Variants in CPLANE1 observed in about 807,000 individuals in gnomAD.
The protein encoded by CPLANE1 is ciliogenesis and planar polarity effector 1.
Under a neutral mutation model 362.5 loss-of-function variants are expected in CPLANE1, and 263 were observed. The observed-to-expected ratio is 0.73, with a 90% CI of 0.66 to 0.80. The LOEUF is 0.80. Among genes scored for constraint, CPLANE1 ranks in the 30% least tolerant of loss-of-function variants. The pLI, the probability that CPLANE1 is intolerant of heterozygous loss-of-function variation, is 0.00. For missense variants in CPLANE1, 3,461 were observed against 3,793.4 expected (o/e 0.91, Z 2.30); for synonymous variants, 1,212 against 1,302.6 (o/e 0.93, Z 1.50).
chr5:37,209,695 T>C lies in CPLANE1; in HGVS notation c.2921-3270A>G. The C allele has an allele frequency of 8.0e-7, 1 of 1,255,966 alleles. No individual in the cohort carries two copies. Among genetic ancestry groups the C allele is most frequent in the Non-Finnish European group, 1.2e-6 (1 of 856,184 alleles). 77.8% of individuals were successfully genotyped at this position (1,255,966 alleles called of 1,614,324 possible). On this transcript the variant is annotated intron_variant, in intron 16 of 52. Coordinates refer to ENST00000651892, the MANE Select transcript of CPLANE1 (RefSeq NM_001384732.1). This position sits in a 1 kb window ranked among gnomAD's most constrained non-coding sequence, Gnocchi z 4.6. ...GAAAAGGTATTTACTATGCAGGATC[T>C]ATTACAACTCATTAAAATCAACCCT...
At chr5:37,133,200 AAC>A (rs1427453745) in intron 46 of CPLANE1, among the ~76,000 whole-genome samples, 3 of 152,222 alleles carry the variant, frequency 2.0e-5, no homozygotes, top group Non-Finnish European at 4.4e-5. Context: ...GAAGGCAGGT[AAC>A]ATGATGACTC....
At position 37,151,886 on chromosome 5, in the gene CPLANE1, CA is replaced by C. The variant is rs1017291905; in HGVS notation, c.8373+1853del. Among the ~76,000 whole-genome samples, 615 of 140,352 alleles carry C rather than the reference CA, an allele frequency of 4.4e-3. 3 individuals are homozygous for C. The highest frequency in any genetic ancestry group is 0.014 in the African/African-American group (522 of 38,544). 92.1% of individuals were successfully genotyped at this position (140,352 alleles called of 152,430 possible). A position where few individuals can be genotyped will look rare whatever the true frequency, so the allele number is the denominator to read the frequency against. The stretch of plus-strand genomic sequence containing the variant: ...CAACATGGTGAAACCCCAAATCTAC[CA>C]AAAAAAAAAAGAGGAAAACCACCAA... On this transcript the variant is annotated intron_variant, in intron 42 of 52. Transcript: ENST00000651892.
chr5:37,138,254 A>C (rs1045472039), intron 46 of CPLANE1, among the ~76,000 whole-genome samples: 4 of 152,132 alleles, frequency 2.6e-5, no homozygotes, highest in Non-Finnish European at 5.9e-5. Context: ...AGGATAGTTA[A>C]GTCTTCTTGT....
chr5:37,176,256 G>A (rs1167275520), intron 30 of CPLANE1, among the ~76,000 whole-genome samples: 1 of 151,996 alleles, frequency 6.6e-6, no homozygotes, highest in Non-Finnish European at 1.5e-5. Context: ...CAAAATGAGG[G>A]GACATGAGGT....
At chr5:37,186,460 A>T in intron 23 of CPLANE1, 66 bp from the exon 24 acceptor site, 2 of 769,106 alleles carry the variant, frequency 2.6e-6, no homozygotes, top group Non-Finnish European at 4.6e-6. Context: ...CCATTCCACA[A>T]ATATTTTATT....
chr5:37,233,988 A>C (rs1798327678), intron 8 of CPLANE1, among the ~76,000 whole-genome samples: 1 of 152,228 alleles, frequency 6.6e-6, no homozygotes, highest in Non-Finnish European at 1.5e-5. Context: ...GTACTACTGA[A>C]GAAGTCATAC....
At chr5:37,077,611 T>C in the CPLANE1 span, among the ~76,000 whole-genome samples, 1 of 135,096 alleles carries the variant, frequency 7.4e-6, no homozygotes, top group Non-Finnish European at 1.6e-5. Context: ...TGTGTCTTTT[T>C]TTTTTTTTTT....
chr5:37,078,050 T>C, the CPLANE1 span, among the ~76,000 whole-genome samples: 1 of 152,168 alleles, frequency 6.6e-6, no homozygotes, highest in Non-Finnish European at 1.5e-5. Flanking sequence ...AAAAAACAAT[T>C]TTTTATCTTC....
At chr5:37,124,806 G>T in intron 47 of CPLANE1, 2 of 782,316 alleles carry the variant, frequency 2.6e-6, no homozygotes, top group Non-Finnish European at 1.6e-6. Context: ...CTCTCACTTT[G>T]GTCTCCCAAA....
At position 37,107,294 on chromosome 5, in the gene CPLANE1, T is replaced by G; in HGVS notation, c.*308A>C. ...ATAAAGGAGGAGGCAAGATAGAGGG[T>G]TTTTATTGAAAGTAGGTTATGCAAA... On this transcript the variant is annotated 3_prime_UTR_variant, in exon 53 of 53. Transcript: ENST00000651892. The G allele has an allele frequency of 9.2e-7, 1 of 1,082,570 alleles. No homozygotes were observed. The allele number at this position is 1,082,570 out of a possible 1,614,324, so 67.1% of individuals were successfully genotyped here. A position where few individuals can be genotyped will look rare whatever the true frequency, so the allele number is the denominator to read the frequency against.
intron 15 of CPLANE1, among the ~76,000 whole-genome samples, chr5:37,215,986 C>T (rs1389121932): frequency 6.6e-6 from 1 of 151,912 alleles, no homozygotes; most frequent in East Asian, 1.9e-4. Flanking sequence ...CACACGCCAC[C>T]TTGACCGGCT....
intron 43 of CPLANE1, among the ~76,000 whole-genome samples, chr5:37,146,649 G>C (rs993601871): frequency 6.6e-6 from 1 of 152,084 alleles, no homozygotes; most frequent in Non-Finnish European, 1.5e-5. Flanking sequence ...ATAATGTGCT[G>C]TCTGGGTTTC....
At chr5:37,225,940 A>T (rs1796386292) in intron 12 of CPLANE1, among the ~76,000 whole-genome samples, 1 of 152,182 alleles carries the variant, frequency 6.6e-6, no homozygotes, top group East Asian at 1.9e-4. Flanking sequence ...TTCCGAGACT[A>T]AGAAAATATG....
At chr5:37,131,277 C>A (rs968202148) in intron 46 of CPLANE1, among the ~76,000 whole-genome samples, 1 of 152,122 alleles carries the variant, frequency 6.6e-6, no homozygotes, top group Admixed American at 6.6e-5. Context: ...TTCTACCACA[C>A]CCTACTGCGT....
chr5:37,211,302 A>G, intron 16 of CPLANE1: 1 of 1,515,588 alleles, frequency 6.6e-7, no homozygotes. Flanking sequence ...ACGCTTGGAA[A>G]AGGCTTTCAG....
chr5:37,179,914 C>T, intron 28 of CPLANE1, 103 bp downstream of exon 28: 1 of 661,670 alleles, frequency 1.5e-6, no homozygotes, highest in Non-Finnish European at 2.5e-6. Context: ...CTACTGTAAA[C>T]ATACTAACTT....
Position 37,170,194 on chromosome 5 carries a change from A to C in CPLANE1, c.6309T>G (p.Cys2103Trp), listed in dbSNP as rs749862200. The change falls in exon 33 of 53, where the codon TGT (cysteine) becomes TGG (tryptophan). Residue 2103 changes from cysteine (C) to tryptophan (W), a missense_variant. Coordinates refer to ENST00000651892, the MANE Select transcript of CPLANE1 (RefSeq NM_001384732.1). Reference sequence around the variant, plus strand: ...TTTTGTTGCTGTCTTCAACATCACCACATCCTCTTAGGTTTGATTCTTGGC... The same window carrying C: ...TTTTGTTGCTGTCTTCAACATCACCCCATCCTCTTAGGTTTGATTCTTGGC... ...GESQESNLRG[C>W]GDVEDSNKNL... is the part of the protein sequence containing the mutation. 2.2e-5 allele frequency: 35 copies of C among 1,613,996 alleles called. 1 individual carries two copies. The Middle Eastern group carries it at 1.6e-3, about 76-fold the overall frequency.
In CPLANE1 at chr5:37,221,495, C is replaced by A; in HGVS notation, c.2582-7G>T. 1.3e-6 allele frequency: 2 copies of A among 1,485,624 alleles called. No homozygotes were observed. Among genetic ancestry groups the A allele is most frequent in the Non-Finnish European group, 1.8e-6 (2 of 1,122,280 alleles). The allele number at this position is 1,485,624 out of a possible 1,614,324, so 92.0% of individuals were successfully genotyped here. The stretch of plus-strand genomic sequence containing the variant: ...AAATACGTCCTTCTTCCTCCTGAAA[C>A]AAGAAGTAAGCTCACCTTAAAAGTA... On this transcript the variant is annotated splice_region_variant and splice_polypyrimidine_tract_variant and intron_variant, in intron 14 of 52. Transcript: ENST00000651892.
chr5:37,197,474 T>C (rs777798273), intron 20 of CPLANE1, among the ~76,000 whole-genome samples: 5 of 152,146 alleles, frequency 3.3e-5, no homozygotes, highest in Non-Finnish European at 5.9e-5. Flanking sequence ...ACCAACAATC[T>C]GAATGCACCT....
Sources: gnomAD v4.1 joint callset for allele counts (sites outside exome capture counted in the v4.1 genomes callset) on GRCh38, gnomAD v4.1.1 for gene constraint, Gnocchi (gnomAD v3.1) non-coding constraint, MANE v1.5 for transcripts, NCBI Gene and HGNC (gene_info 2026-07-23, HGNC 2026-07-21) for gene names.